Variants in GPHN observed in about 807,000 individuals in gnomAD.
The protein encoded by GPHN is gephyrin.
In GPHN, 17 loss-of-function variants were observed where a neutral mutation model predicts 95.5. The ratio of observed to expected loss-of-function variants is 0.18; its 90% CI spans 0.12 to 0.27. The LOEUF is 0.27. Ranked by LOEUF, GPHN falls within the 10% of genes least tolerant of loss-of-function variation. The pLI, the probability that GPHN is intolerant of heterozygous loss-of-function variation, is 1.00. For missense variants in GPHN, 660 were observed against 978.1 expected (o/e 0.67, Z 4.34); for synonymous variants, 320 against 322.5 (o/e 0.99, Z 0.08).
At chr14:66,874,771 C>A (rs117799965) in intron 4 of GPHN, among the ~76,000 whole-genome samples, 2,925 of 152,218 alleles carry the variant, frequency 0.019, 36 homozygotes, top group Middle Eastern at 0.034. Flanking sequence ...AAAGACCAAA[C>A]CTACTTCTGA....
At chr14:67,003,345 T>C (rs527568832) in intron 9 of GPHN, among the ~76,000 whole-genome samples, 76 of 151,748 alleles carry the variant, frequency 5.0e-4, no homozygotes, top group Non-Finnish European at 1.0e-3. Flanking sequence ...TTAGCTGATA[T>C]TACACTATTA....
Position 66,986,918 on chromosome 14 carries a change from G to A in GPHN, c.963+21593G>A, listed in dbSNP as rs1417792747. The stretch of plus-strand genomic sequence containing the variant: ...TTATTGTTTATTTGTTTGTGTGTGC[G>A]CACGCACATGAGTGCACATGGATGA... On this transcript the variant is annotated intron_variant, in intron 9 of 22. Transcript: ENST00000478722. Among the ~76,000 whole-genome samples, 4 of 152,202 alleles carry A rather than the reference G, an allele frequency of 2.6e-5. 1 individual carries two copies. The South Asian group carries it at 6.2e-4, about 24-fold the overall frequency.
At chr14:66,642,300 T>C (rs1339870368) in intron 1 of GPHN, among the ~76,000 whole-genome samples, 1 of 152,052 alleles carries the variant, frequency 6.6e-6, no homozygotes, top group African/African-American at 2.4e-5. Flanking sequence ...GAAAGCAGAA[T>C]AGAGATGCAG....
the GPHN span, among the ~76,000 whole-genome samples, chr14:67,516,854 A>G: frequency 2.6e-5 from 4 of 152,300 alleles, no homozygotes; most frequent in South Asian, 4.1e-4. Flanking sequence ...GGGTTCCTCA[A>G]ACTAGTACAG....
intron 1 of GPHN, among the ~76,000 whole-genome samples, chr14:66,650,463 T>C (rs1169524110): frequency 2.0e-5 from 3 of 152,204 alleles, no homozygotes; most frequent in African/African-American, 4.8e-5. Flanking sequence ...TAAGGACATA[T>C]TTCATGAACT....
chr14:67,381,732 T>G, the GPHN span: 5 of 1,322,174 alleles, frequency 3.8e-6, no homozygotes, highest in Non-Finnish European at 5.3e-6. Context: ...AATGCTCACC[T>G]AAACCAAATA....
At chr14:66,709,402 C>T (rs1002648989) in intron 2 of GPHN, 2 of 455,980 alleles carry the variant, frequency 4.4e-6, no homozygotes, top group Admixed American at 4.7e-5. Flanking sequence ...ACCACAGATA[C>T]TACTGAACCC....
the GPHN span, among the ~76,000 whole-genome samples, chr14:67,703,171 C>G: frequency 6.6e-6 from 1 of 152,000 alleles, no homozygotes; most frequent in African/African-American, 2.4e-5. Flanking sequence ...TACAAACTCA[C>G]CAGTTTATAA....
the GPHN span, among the ~76,000 whole-genome samples, chr14:67,243,550 T>C: frequency 6.2e-5 from 9 of 144,922 alleles, no homozygotes; most frequent in African/African-American, 2.3e-4. Context: ...TGGAGTGCAG[T>C]GGCGCAATCT....
At chr14:67,006,192 T>C (rs1447334546) in intron 9 of GPHN, among the ~76,000 whole-genome samples, 1 of 152,098 alleles carries the variant, frequency 6.6e-6, no homozygotes, top group East Asian at 1.9e-4. Flanking sequence ...CTTAAACATA[T>C]TTTTGGATTA....
intron 1 of GPHN, among the ~76,000 whole-genome samples, chr14:66,669,619 C>G (rs1017830386): frequency 3.3e-5 from 5 of 151,258 alleles, no homozygotes; most frequent in Middle Eastern, 3.2e-3. Flanking sequence ...TTTTCCAAAC[C>G]GTTTTCTTCT....
At chr14:67,515,362 G>C in the GPHN span, 1 of 168,836 alleles carries the variant, frequency 5.9e-6, no homozygotes, top group East Asian at 1.7e-4. Flanking sequence ...GGCGGCGCGG[G>C]GTCCGGGGGG....
intron 2 of GPHN, among the ~76,000 whole-genome samples, chr14:66,767,213 C>G (rs1017431519): frequency 6.6e-6 from 1 of 151,878 alleles, no homozygotes; most frequent in Non-Finnish European, 1.5e-5. Flanking sequence ...ATCTATAATT[C>G]CCTTAGTTAG....
the GPHN span, among the ~76,000 whole-genome samples, chr14:67,436,260 C>A: frequency 3.9e-5 from 6 of 152,266 alleles, no homozygotes; most frequent in Non-Finnish European, 7.4e-5. Flanking sequence ...CCAGTAGGCG[C>A]CTGTGTGGGA....
At chr14:67,581,966 G>T in the GPHN span, 2 of 1,154,762 alleles carry the variant, frequency 1.7e-6, no homozygotes, top group Non-Finnish European at 2.5e-6. Context: ...AGTGGGAAAA[G>T]AGTACTTTAT....
chr14:66,806,450 T>C (rs1162261048), intron 3 of GPHN, among the ~76,000 whole-genome samples: 2 of 152,158 alleles, frequency 1.3e-5, no homozygotes, highest in Non-Finnish European at 2.9e-5. Context: ...TCAGAAATTC[T>C]TTTCTATTTC....
At chr14:66,860,862 A>C (rs2062994917) in intron 4 of GPHN, among the ~76,000 whole-genome samples, 1 of 152,092 alleles carries the variant, frequency 6.6e-6, no homozygotes, top group Admixed American at 6.5e-5. Flanking sequence ...GGTAACTTCC[A>C]ATCAAAAAAA....
At chr14:67,414,485 G>C in the GPHN span, among the ~76,000 whole-genome samples, 1 of 152,212 alleles carries the variant, frequency 6.6e-6, no homozygotes, top group Non-Finnish European at 1.5e-5. Flanking sequence ...GGGCAGGGAC[G>C]AGCAAGAAGC....
At chr14:67,293,707 T>C in the GPHN span, among the ~76,000 whole-genome samples, 2 of 152,148 alleles carry the variant, frequency 1.3e-5, no homozygotes, top group African/African-American at 2.4e-5. Flanking sequence ...AAAAGACGAG[T>C]ACCAATATAT....
Sources: gnomAD v4.1 joint callset for allele counts (sites outside exome capture counted in the v4.1 genomes callset) on GRCh38, gnomAD v4.1.1 for gene constraint, MANE v1.5 for transcripts, NCBI Gene and HGNC (gene_info 2026-07-23, HGNC 2026-07-21) for gene names.